KIF17: variants seen among roughly 807,000 people sequenced by gnomAD.
KIF17 encodes kinesin-like protein KIF17.
A neutral mutation model predicts 96.8 loss-of-function variants in KIF17; 80 were observed. The observed-to-expected ratio is 0.83, with a 90% CI of 0.69 to 1.00. KIF17 has a LOEUF of 1.00. Among genes scored for constraint, KIF17 ranks in the 50% least tolerant of loss-of-function variants. The pLI, the probability that KIF17 is intolerant of heterozygous loss-of-function variation, is 0.00. For missense variants in KIF17, 1,280 were observed against 1,372.9 expected, an observed-to-expected ratio of 0.93 and a Z score of 1.07; for synonymous variants, 567 against 587.5, an observed-to-expected ratio of 0.97 and a Z score of 0.51.
At chr1:20,711,684 G>T (rs945550520) in intron 3 of KIF17, among the ~76,000 whole-genome samples, 2 of 152,130 alleles carry the variant, frequency 1.3e-5, no homozygotes, top group Non-Finnish European at 2.9e-5. Flanking sequence ...CAGTGGCTAG[G>T]GGGAGGGGAT....
chr1:20,675,035 C>T (rs1172804136), intron 11 of KIF17, among the ~76,000 whole-genome samples: 2 of 151,896 alleles, frequency 1.3e-5, no homozygotes, highest in Non-Finnish European at 2.9e-5. Flanking sequence ...CCTGTAGTCC[C>T]AGCTACTTGG....
intron 6 of KIF17, among the ~76,000 whole-genome samples, chr1:20,691,747 G>C (rs916331421): frequency 6.6e-6 from 1 of 151,750 alleles, no homozygotes; most frequent in Non-Finnish European, 1.5e-5. Flanking sequence ...GGGATTACAG[G>C]CATGAGCCAC....
intron 3 of KIF17, among the ~76,000 whole-genome samples, chr1:20,712,816 T>C (rs533939346): frequency 1.0e-5 from 1 of 96,000 alleles, no homozygotes; most frequent in Non-Finnish European, 1.9e-5. Context: ...TCTATATATA[T>C]AATATAGATA....
At chr1:20,713,266 G>A (rs1178007095) in intron 3 of KIF17, among the ~76,000 whole-genome samples, 188 bp downstream of exon 3, 2 of 149,992 alleles carry the variant, frequency 1.3e-5, no homozygotes, top group Non-Finnish European at 3.0e-5. Flanking sequence ...AAAGTGTTAG[G>A]ATTACGGGCA....
chr1:20,714,807 A>AAG (rs1249172520), intron 2 of KIF17, among the ~76,000 whole-genome samples: 2 of 151,706 alleles, frequency 1.3e-5, no homozygotes, highest in Admixed American at 6.6e-5. Flanking sequence ...AAAAAAAAAA[A>AAG]AAAAAAAACA....
rs2054216013 is a variant in KIF17, at chr1:20,700,542, G to A, written c.1124-2054C>T. Among the ~76,000 whole-genome samples, 1 of 152,320 alleles carries A rather than the reference G, an allele frequency of 6.6e-6. No individual in the cohort carries two copies. Among genetic ancestry groups the A allele is most frequent in the East Asian group, 1.9e-4 (1 of 5,188 alleles). The stretch of plus-strand genomic sequence containing the variant: ...AGCCTAGCAGATTTGGGGGCCCATC[G>A]AGTTGACAGTGGGATATGTTGGGTT... On this transcript the variant is annotated intron_variant, in intron 5 of 14. Coordinates refer to ENST00000400463, the MANE Select transcript of KIF17 (RefSeq NM_001122819.3). This position sits in a 1 kb window ranked among gnomAD's most constrained non-coding sequence, Gnocchi z 4.6.
In KIF17 at chr1:20,699,690, G is replaced by A. The variant is rs2054198691; in HGVS notation, c.1124-1202C>T. 6.6e-6 allele frequency among the ~76,000 whole-genome samples: 1 copy of A among 152,144 alleles called. No homozygotes were observed. Among genetic ancestry groups the A allele is most frequent in the Non-Finnish European group, 1.5e-5 (1 of 68,000 alleles). On this transcript the variant is annotated intron_variant, in intron 5 of 14. Transcript: ENST00000400463. This position sits in a 1 kb window ranked among gnomAD's most constrained non-coding sequence, Gnocchi z 4.3. The stretch of plus-strand genomic sequence containing the variant: ...AGGAGGCGCTTGCTAGACAGGGGGA[G>A]CTTGCTAGACAGGGGGAGCGGTGAG...
rs757698372 is a variant in KIF17, at chr1:20,666,201, G to C, written c.2908+13C>G. ...TTGTGTGGAGAGGGTGGGGACAGGG[G>C]AGGGACACTCACTGAGGCTCTTCCT... On this transcript the variant is annotated intron_variant, in intron 14 of 14. Coordinates refer to ENST00000400463, the MANE Select transcript of KIF17 (RefSeq NM_001122819.3). The C allele has an allele frequency of 6.3e-7, 1 of 1,585,578 alleles. No individual in the cohort carries two copies. The highest frequency in any genetic ancestry group is 2.2e-5 in the East Asian group (1 of 44,726).
rs796607248 is a variant in KIF17 at position 20,712,682 on chromosome 1, C to CTA, written c.480+770_480+771dup. On this transcript the variant is annotated intron_variant, in intron 3 of 14. Transcript: ENST00000400463. ...CTATATATAATATAGATAATATTAT[C>CTA]TATATATAATATAGATAATATTATC... 6.5e-3 allele frequency among the ~76,000 whole-genome samples: 92 copies of CTA among 14,260 alleles called. 5 individuals are homozygous for CTA. Among genetic ancestry groups the CTA allele is most frequent in the Non-Finnish European group, 0.012 (60 of 4,844 alleles). 9.4% of individuals were successfully genotyped at this position (14,260 alleles called of 152,430 possible).
At chr1:20,703,550 G>A (rs1255784734) in intron 5 of KIF17, among the ~76,000 whole-genome samples, 2 of 151,136 alleles carry the variant, frequency 1.3e-5, no homozygotes, top group South Asian at 2.1e-4. Flanking sequence ...GTGGGTGAGT[G>A]GGTGGATGGA....
chr1:20,676,542 A>C (rs946663196), intron 11 of KIF17, among the ~76,000 whole-genome samples: 23 of 152,248 alleles, frequency 1.5e-4, no homozygotes, highest in Admixed American at 7.9e-4. Flanking sequence ...ATGCAAATTA[A>C]AATTGATGCT....
chr1:20,687,455 G>A lies in KIF17; in HGVS notation c.1871C>T (p.Ala624Val), dbSNP rs1268635212. Residue 624 changes from alanine to valine, a missense_variant, in exon 8 of 15, where the codon GCC becomes GTC. Coordinates refer to ENST00000400463, the MANE Select transcript of KIF17 (RefSeq NM_001122819.3). This position sits in a 1 kb window ranked among gnomAD's most constrained non-coding sequence, Gnocchi z 4.4. ...DPFAEVEAKL[A>V]RLSSTVARTD... Reference sequence around the variant, plus strand: ...CCTGGCCACGGTGGAGGAGAGTCTGGCCAGCTTGGCTTCCACCTCGGCAAA... The same window carrying A: ...CCTGGCCACGGTGGAGGAGAGTCTGACCAGCTTGGCTTCCACCTCGGCAAA... 12 of 1,613,982 alleles carry A rather than the reference G, an allele frequency of 7.4e-6. No individual in the cohort carries two copies. Among genetic ancestry groups the A allele is most frequent in the Non-Finnish European group, 1.0e-5 (12 of 1,180,004 alleles).
chr1:20,703,172 T>TGGAC (rs1553151977), intron 5 of KIF17, among the ~76,000 whole-genome samples: 5 of 135,472 alleles, frequency 3.7e-5, no homozygotes, highest in African/African-American at 1.7e-4. Context: ...TGGAGATGGA[T>TGGAC]GGATGAATGG....
chr1:20,666,536 C>A (rs1163210068), intron 13 of KIF17, among the ~76,000 whole-genome samples: 1 of 152,040 alleles, frequency 6.6e-6, no homozygotes, highest in Non-Finnish European at 1.5e-5. Context: ...AGCTCGGGGC[C>A]AGGAAGTCAG....
In KIF17 at chr1:20,664,551, G is replaced by A. The variant is rs776616214; in HGVS notation, c.*33C>T. 2 of 1,613,796 alleles carry A rather than the reference G, an allele frequency of 1.2e-6. No individual in the cohort carries two copies. Among genetic ancestry groups the A allele is most frequent in the Admixed American group, 1.7e-5 (1 of 60,036 alleles). On this transcript the variant is annotated 3_prime_UTR_variant, in exon 15 of 15. Coordinates refer to ENST00000400463, the MANE Select transcript of KIF17 (RefSeq NM_001122819.3). Reference sequence around the variant, plus strand: ...TGGGAGGGCCTGGCAGTCTCTACATGCCTATAAGGCAGGCAATGGCAAGCA... The same window carrying A: ...TGGGAGGGCCTGGCAGTCTCTACATACCTATAAGGCAGGCAATGGCAAGCA...
chr1:20,712,773 AT>A lies in KIF17; in HGVS notation c.480+680del, dbSNP rs1338912601. On this transcript the variant is annotated intron_variant, in intron 3 of 14. Transcript: ENST00000400463. ...TAAAATTATATTATATCTATATATA[AT>A]ATAGATAATATCTATATATAAATAG... Among the ~76,000 whole-genome samples the A allele has an allele frequency of 9.0e-5, 8 of 89,144 alleles. 2 individuals are homozygous for A. Among genetic ancestry groups the A allele is most frequent in the African/African-American group, 4.4e-4 (8 of 18,034 alleles). 58.5% of individuals were successfully genotyped at this position (89,144 alleles called of 152,430 possible).
intron 7 of KIF17, among the ~76,000 whole-genome samples, chr1:20,689,255 A>T (rs2154536221): frequency 6.6e-6 from 1 of 152,250 alleles, no homozygotes; most frequent in Non-Finnish European, 1.5e-5. Context: ...CCAGGCCTGG[A>T]TTCTACACTA....
At chr1:20,698,356 G>T in intron 6 of KIF17, 23 bp downstream of exon 6, 1 of 1,570,234 alleles carries the variant, frequency 6.4e-7, no homozygotes, top group Non-Finnish European at 8.8e-7. Context: ...CCTTCTCCAT[G>T]TTCCCACCCG....
chr1:20,667,176 T>G (rs2053544537), intron 13 of KIF17, among the ~76,000 whole-genome samples: 1 of 152,202 alleles, frequency 6.6e-6, no homozygotes, highest in African/African-American at 2.4e-5. Flanking sequence ...AAGCTTCATC[T>G]GTATTTGCAG....
Sources: allele counts gnomAD v4.1 joint callset (sites outside exome capture counted in the v4.1 genomes callset), GRCh38; gene constraint gnomAD v4.1.1; non-coding constraint Gnocchi (gnomAD v3.1); transcripts MANE v1.5; gene names NCBI Gene and HGNC (gene_info 2026-07-23, HGNC 2026-07-21).